MARCHF10: variants seen among roughly 807,000 people sequenced by gnomAD.
MARCHF10 encodes membrane associated ring-CH-type finger 10.
Under a neutral mutation model 76.2 loss-of-function variants are expected in MARCHF10, and 64 were observed. That is an observed-to-expected ratio of 0.84 (90% confidence interval 0.69 to 1.03). The LOEUF (loss-of-function observed/expected upper bound fraction) is 1.03, where lower values mean the gene tolerates loss of function less well. Among genes scored for constraint, MARCHF10 ranks in the 50% least tolerant of loss-of-function variants. The pLI, the probability that MARCHF10 is intolerant of heterozygous loss-of-function variation, is 0.00. For synonymous variants in MARCHF10, 340 were observed against 357.5 expected, an observed-to-expected ratio of 0.95 and a Z score of 0.55; for missense variants, 875 against 958.0, an observed-to-expected ratio of 0.91 and a Z score of 1.14.
chr17:62,702,088 C>T (rs1568081043), intron 10 of MARCHF10, among the ~76,000 whole-genome samples: 1 of 152,156 alleles, frequency 6.6e-6, no homozygotes, highest in Non-Finnish European at 1.5e-5. Flanking sequence ...GGTAAGGCCC[C>T]ACTTGAACCC....
chr17:62,795,356 CAAAAAAAAAAAAAAA>C (rs61564298), intron 2 of MARCHF10, among the ~76,000 whole-genome samples: 1 of 52,936 alleles, frequency 1.9e-5, no homozygotes, highest in Non-Finnish European at 3.5e-5. Context: ...ATCATTTGAT[CAAAAAAAAAAAAAAA>C]AAAAAAAAAA....
chr17:62,792,790 TCAC>T (rs1293324220), intron 2 of MARCHF10, among the ~76,000 whole-genome samples: 3 of 42,412 alleles, frequency 7.1e-5, no homozygotes, highest in Non-Finnish European at 8.9e-5. Flanking sequence ...ACCACCTCCA[TCAC>T]CACCACCACC....
chr17:62,715,624 C>T (rs544664528), intron 8 of MARCHF10, among the ~76,000 whole-genome samples: 41 of 152,328 alleles, frequency 2.7e-4, no homozygotes, highest in Non-Finnish European at 5.1e-4. Flanking sequence ...ACAGCACTAC[C>T]GAAAGAGTCA....
At chr17:62,778,197 C>T (rs2092589108) in intron 3 of MARCHF10, among the ~76,000 whole-genome samples, 1 of 152,108 alleles carries the variant, frequency 6.6e-6, no homozygotes. Context: ...AAACTTTTTT[C>T]AGAGGAGGTG....
chr17:62,713,110 C>G (rs181441703), intron 8 of MARCHF10, among the ~76,000 whole-genome samples: 53 of 152,276 alleles, frequency 3.5e-4, no homozygotes, highest in African/African-American at 1.3e-3. Flanking sequence ...CCGACTGTCT[C>G]GCCAACCACC....
intron 6 of MARCHF10, among the ~76,000 whole-genome samples, chr17:62,732,745 C>G (rs1218755454): frequency 6.6e-6 from 1 of 152,040 alleles, no homozygotes; most frequent in Non-Finnish European, 1.5e-5. Flanking sequence ...GTAATTCCAG[C>G]ACTTTGAGGG....
chr17:62,770,835 C>T (rs1347914971), intron 3 of MARCHF10, among the ~76,000 whole-genome samples: 1 of 148,190 alleles, frequency 6.7e-6, no homozygotes, highest in African/African-American at 2.5e-5. Flanking sequence ...GCCACCGCAC[C>T]TGGTCTGTAT....
intron 2 of MARCHF10, among the ~76,000 whole-genome samples, chr17:62,792,709 CAA>C: frequency 6.8e-6 from 1 of 147,904 alleles, no homozygotes; most frequent in African/African-American, 2.5e-5. Flanking sequence ...TCCATCACTA[CAA>C]CCATCACCAC....
At position 62,725,040 on chromosome 17, in the gene MARCHF10, A is replaced by G. The variant is rs377320844; in HGVS notation, c.2002T>C (p.Ser668Pro). 1.5e-4 allele frequency: 236 copies of G among 1,609,238 alleles called. No homozygotes were observed. The highest frequency in any genetic ancestry group is 1.9e-4 in the Non-Finnish European group (225 of 1,178,302). Residue 668 changes from serine (S) to proline (P), a missense_variant, in exon 7 of 11, where the codon TCC becomes CCC. Physicochemically the swap from Ser to Pro is moderately conservative, Grantham distance 74. Coordinates refer to ENST00000311269, the MANE Select transcript of MARCHF10 (RefSeq NM_152598.4). Reference sequence around the variant, plus strand: ...GGCTCCAGGAGGGGGTTGCTTGGGGAACCCCCGGCTATCTGACAGATGCGA... The same window carrying G: ...GGCTCCAGGAGGGGGTTGCTTGGGGGACCCCCGGCTATCTGACAGATGCGA... ...LCRICQIAGG[S>P]PSNPLLEPCG...
chr17:62,716,882 A>G (rs1356958443), intron 8 of MARCHF10, among the ~76,000 whole-genome samples: 11 of 151,958 alleles, frequency 7.2e-5, no homozygotes, highest in Non-Finnish European at 1.5e-5. Flanking sequence ...AAAGGAACCC[A>G]TTTGCCAAGG....
At chr17:62,791,103 T>C (rs2092834347) in intron 2 of MARCHF10, among the ~76,000 whole-genome samples, 1 of 152,168 alleles carries the variant, frequency 6.6e-6, no homozygotes, top group Admixed American at 6.5e-5. Flanking sequence ...GCAGTAACCA[T>C]AATAAGTTAA....
chr17:62,762,180 GCCACGTTTATCCTT>G (rs975245035), intron 3 of MARCHF10, among the ~76,000 whole-genome samples: 2 of 152,186 alleles, frequency 1.3e-5, no homozygotes, highest in African/African-American at 4.8e-5. Context: ...GAGCTGTTAA[GCCACGTTTATCCTT>G]CCTCCACCCA....
At chr17:62,756,204 C>T (rs1418131202) in intron 4 of MARCHF10, among the ~76,000 whole-genome samples, 2 of 151,934 alleles carry the variant, frequency 1.3e-5, no homozygotes, top group Admixed American at 6.6e-5. Flanking sequence ...GCCGAGATCG[C>T]GCCATTGCAC....
intron 4 of MARCHF10, among the ~76,000 whole-genome samples, chr17:62,751,236 C>A (rs1037443955): frequency 6.6e-6 from 1 of 152,138 alleles, no homozygotes; most frequent in African/African-American, 2.4e-5. Context: ...CTCAGCTTTG[C>A]CACTAACCAG....
chr17:62,802,788 G>A (rs1259768564), intron 1 of MARCHF10, among the ~76,000 whole-genome samples: 1 of 152,096 alleles, frequency 6.6e-6, no homozygotes, highest in East Asian at 1.9e-4. Context: ...CGGGAGGGAA[G>A]CAGTGCAGCT....
intron 9 of MARCHF10, chr17:62,706,588 G>A (rs192333419): frequency 6.6e-6 from 1 of 152,328 alleles, no homozygotes; most frequent in East Asian, 1.9e-4. Flanking sequence ...AGGAACTGGG[G>A]TAGGCACAGT....
chr17:62,793,516 A>G (rs1486966774), intron 2 of MARCHF10, among the ~76,000 whole-genome samples: 73 of 119,128 alleles, frequency 6.1e-4, no homozygotes, highest in African/African-American at 2.5e-3. Context: ...CATCACCACC[A>G]CCACCACCTC....
At chr17:62,773,446 A>T (rs777732596) in intron 3 of MARCHF10, among the ~76,000 whole-genome samples, 2 of 152,208 alleles carry the variant, frequency 1.3e-5, no homozygotes, top group African/African-American at 2.4e-5. Context: ...GGGGAAATGG[A>T]GTCAGTCAGT....
In MARCHF10 at chr17:62,705,714, G is replaced by C. The variant is rs141805291; in HGVS notation, c.2329-133C>G. The stretch of plus-strand genomic sequence containing the variant: ...TTAAAGGGGCAGGAAAATGGGCAGA[G>C]GTGCTGAGGGCTGGGTGAGTGCTAA... On this transcript the variant is annotated intron_variant, in intron 9 of 10. Coordinates refer to ENST00000311269, the MANE Select transcript of MARCHF10 (RefSeq NM_152598.4). The C allele has an allele frequency of 9.5e-4, 1,025 of 1,084,036 alleles. 13 individuals carry two copies. The East Asian group carries it at 0.024, about 25-fold the overall frequency. The allele number at this position is 1,084,036 out of a possible 1,614,324, so 67.2% of individuals were successfully genotyped here.
Sources: gnomAD v4.1 joint callset for allele counts (sites outside exome capture counted in the v4.1 genomes callset) on GRCh38, gnomAD v4.1.1 for gene constraint, MANE v1.5 for transcripts, NCBI Gene and HGNC (gene_info 2026-07-23, HGNC 2026-07-21) for gene names.